The following MME variants were observed in gnomAD, a reference collection of about 807,000 sequenced individuals.
MME encodes neprilysin.
MME carries 98 observed loss-of-function variants against 113.2 expected under a neutral mutation model. The observed-to-expected ratio is 0.87, with a 90% CI of 0.74 to 1.02. The LOEUF (loss-of-function observed/expected upper bound fraction) is 1.02. Among genes scored for constraint, MME ranks in the 50% least tolerant of loss-of-function variants. The pLI, the probability that MME is intolerant of heterozygous loss-of-function variation, is 0.00. For missense variants in MME, 836 were observed against 896.0 expected, an observed-to-expected ratio of 0.93 and a Z score of 0.86; for synonymous variants, 292 against 300.6, an observed-to-expected ratio of 0.97 and a Z score of 0.30.
chr3:155,094,429 G>A (rs61763213), intron 3 of MME, among the ~76,000 whole-genome samples: 123 of 152,246 alleles, frequency 8.1e-4, no homozygotes, highest in Non-Finnish European at 1.5e-3. Context: ...TAGGTATAAT[G>A]CACAGATAGG....
intron 8 of MME, among the ~76,000 whole-genome samples, chr3:155,124,604 A>T (rs547559752): frequency 6.6e-6 from 1 of 151,988 alleles, no homozygotes; most frequent in Non-Finnish European, 1.5e-5. Context: ...TTTGGTGTGG[A>T]TGTCCTTTCT....
chr3:155,104,616 A>C (rs971964034), intron 3 of MME, among the ~76,000 whole-genome samples: 3 of 152,202 alleles, frequency 2.0e-5, no homozygotes, highest in Non-Finnish European at 2.9e-5. Context: ...TTCTTGACAG[A>C]CAATATGATC....
chr3:155,078,211 A>AG (rs1714832235), upstream of MME, among the ~76,000 whole-genome samples: 1 of 152,112 alleles, frequency 6.6e-6, no homozygotes, highest in Admixed American at 6.5e-5. Context: ...CGACAGCACG[A>AG]GACTCTGTAG....
chr3:155,029,774 G>A (rs775982972), intron 1 of MME, among the ~76,000 whole-genome samples: 7 of 152,096 alleles, frequency 4.6e-5, no homozygotes, highest in East Asian at 1.9e-4. Context: ...TCATGTGAAC[G>A]AAAAGGCATT....
intron 3 of MME, among the ~76,000 whole-genome samples, chr3:155,098,593 A>G (rs1243116890): frequency 1.3e-5 from 2 of 151,646 alleles, no homozygotes; most frequent in African/African-American, 4.8e-5. Context: ...GAGAGTTTTC[A>G]GTGAAGTCGA....
intron 8 of MME, among the ~76,000 whole-genome samples, chr3:155,119,314 A>G (rs982246384): frequency 6.6e-6 from 1 of 151,936 alleles, no homozygotes; most frequent in Non-Finnish European, 1.5e-5. Flanking sequence ...CCAGGTAGCC[A>G]GTGGGCATCA....
intron 3 of MME, among the ~76,000 whole-genome samples, chr3:155,107,369 A>G (rs1427983252): frequency 6.6e-6 from 1 of 151,938 alleles, no homozygotes; most frequent in Non-Finnish European, 1.5e-5. Flanking sequence ...AAAAAAAAAA[A>G]AGGAATAGTC....
chr3:155,054,007 G>C (rs1713847016), intron 1 of MME, among the ~76,000 whole-genome samples: 1 of 152,172 alleles, frequency 6.6e-6, no homozygotes, highest in South Asian at 2.1e-4. Context: ...GTGTCCCAGT[G>C]GTCCACAGAT....
chr3:155,166,601 G>A (rs548960386), intron 17 of MME, among the ~76,000 whole-genome samples: 3 of 152,156 alleles, frequency 2.0e-5, no homozygotes, highest in Non-Finnish European at 4.4e-5. Flanking sequence ...AAAGTGAATC[G>A]TGATGATAAA....
At chr3:155,076,501 G>A (rs1714754777), upstream of MME, among the ~76,000 whole-genome samples, 1 of 152,110 alleles carries the variant, frequency 6.6e-6, no homozygotes, top group African/African-American at 2.4e-5. Context: ...TATCCTTCTT[G>A]ATTTTTTTGT....
intron 8 of MME, among the ~76,000 whole-genome samples, chr3:155,119,358 G>A (rs983317381): frequency 6.6e-6 from 1 of 150,780 alleles, no homozygotes; most frequent in Non-Finnish European, 1.5e-5. Context: ...GTTCTGGAGT[G>A]CTTTCTTATT....
chr3:155,156,718 T>C (rs1722328675), intron 16 of MME, among the ~76,000 whole-genome samples: 1 of 152,146 alleles, frequency 6.6e-6, no homozygotes, highest in South Asian at 2.1e-4. Context: ...GTAAGAATTC[T>C]TTCCACCCAG....
At chr3:155,083,134 T>A (rs887324060) in intron 1 of MME, among the ~76,000 whole-genome samples, 1 of 152,182 alleles carries the variant, frequency 6.6e-6, no homozygotes, top group African/African-American at 2.4e-5. Context: ...TCCCCTTAAT[T>A]TTCCCCCTAA....
chr3:155,084,809 C>T (rs992254363), intron 2 of MME, among the ~76,000 whole-genome samples: 5 of 152,046 alleles, frequency 3.3e-5, no homozygotes, highest in Middle Eastern at 3.2e-3. Flanking sequence ...TTTAATAGGC[C>T]TGGGGCTTCG....
chr3:155,068,806 GTCTT>G (rs1714465294), intron 1 of MME, among the ~76,000 whole-genome samples: 1 of 152,202 alleles, frequency 6.6e-6, no homozygotes, highest in South Asian at 2.1e-4. Flanking sequence ...ATGAAATAGT[GTCTT>G]TCTAAGGATA....
intron 1 of MME, among the ~76,000 whole-genome samples, chr3:155,025,289 C>A (rs969125035): frequency 2.0e-5 from 3 of 152,096 alleles, no homozygotes; most frequent in African/African-American, 7.2e-5. Context: ...GTGCTTTATT[C>A]TTCTAAAATT....
In MME at chr3:155,025,975, G is replaced by A. The variant is rs370936322; in HGVS notation, c.-11+1651G>A. 3.2e-4 allele frequency among the ~76,000 whole-genome samples: 49 copies of A among 151,896 alleles called. No homozygotes were observed. In the South Asian group the frequency reaches 0.01, roughly 32 times the overall value. On this transcript the variant is annotated intron_variant, in intron 1 of 22. Coordinates refer to the MME transcript ENST00000492661. ...ATTTTTGCAGACTAAAAGATATCAG[G>A]TATCAGGTTTTAGCAAACCATAGAA...
chr3:155,116,568 T>C lies in MME; in HGVS notation c.439+9T>C, dbSNP rs774708371. ...GTCTTGTATAAATGAATGTAAGTGC[T>C]CTTCATTTGATTTCATTAGGAGTAT... On this transcript the variant is annotated intron_variant, in intron 5 of 22. Transcript: ENST00000360490. 6 of 1,570,960 alleles carry C rather than the reference T, an allele frequency of 3.8e-6. No homozygotes were observed. Among genetic ancestry groups the C allele is most frequent in the Non-Finnish European group, 3.5e-6 (4 of 1,143,204 alleles).
At chr3:155,116,117 T>C (rs1181272629) in intron 4 of MME, among the ~76,000 whole-genome samples, 1 of 152,018 alleles carries the variant, frequency 6.6e-6, no homozygotes, top group African/African-American at 2.4e-5. Flanking sequence ...CAAATTCCTC[T>C]GTGTTATTGT....
Sources: gnomAD v4.1 joint callset for allele counts (sites outside exome capture counted in the v4.1 genomes callset) on GRCh38, gnomAD v4.1.1 for gene constraint, MANE v1.5 for transcripts, NCBI Gene and HGNC (gene_info 2026-07-23, HGNC 2026-07-21) for gene names.